DENND5B: variants seen among roughly 807,000 people sequenced by gnomAD.
The protein encoded by DENND5B is DENN domain-containing protein 5B.
Under a neutral mutation model 140.6 loss-of-function variants are expected in DENND5B, and 34 were observed. That is an observed-to-expected ratio of 0.24 (90% CI 0.18 to 0.32). DENND5B has a LOEUF of 0.32. Ranked by LOEUF, DENND5B falls within the 10% of genes least tolerant of loss-of-function variation. DENND5B has a pLI of 1.00. For missense variants in DENND5B, 1,142 were observed against 1,560.2 expected (o/e 0.73, Z 4.52); for synonymous variants, 551 against 562.1 (o/e 0.98, Z 0.28).
intron 1 of DENND5B, among the ~76,000 whole-genome samples, chr12:31,527,938 A>C (rs568823919): frequency 8.8e-6 from 1 of 113,424 alleles, no homozygotes; most frequent in South Asian, 3.1e-4. Flanking sequence ...ATATGCCTAG[A>C]CTCTTTAAAT....
At chr12:31,500,229 TG>T (rs1319306172) in intron 1 of DENND5B, among the ~76,000 whole-genome samples, 1 of 152,208 alleles carries the variant, frequency 6.6e-6, no homozygotes, top group African/African-American at 2.4e-5. Context: ...TAAGACTAAA[TG>T]ACCAACTTTA....
intron 13 of DENND5B, among the ~76,000 whole-genome samples, chr12:31,411,258 G>A (rs1017819665): frequency 2.0e-5 from 3 of 149,872 alleles, no homozygotes; most frequent in Non-Finnish European, 4.4e-5. Flanking sequence ...GGCTAGTCTC[G>A]AACTCCTGAT....
At chr12:31,446,811 C>T (rs1198602579) in intron 6 of DENND5B, among the ~76,000 whole-genome samples, 7 of 150,762 alleles carry the variant, frequency 4.6e-5, no homozygotes, top group East Asian at 2.0e-4. Context: ...GGCGTGAACC[C>T]GGGAGGTGGC....
chr12:31,485,736 CCTCTCTCTCT>C (rs55748263), intron 2 of DENND5B, among the ~76,000 whole-genome samples: 17 of 149,680 alleles, frequency 1.1e-4, no homozygotes, highest in Middle Eastern at 3.2e-3. Context: ...GCTTCCATCT[CCTCTCTCTCT>C]CTCTCTCTCT....
At chr12:31,491,325 C>T (rs924796198) in intron 2 of DENND5B, among the ~76,000 whole-genome samples, 1 of 152,034 alleles carries the variant, frequency 6.6e-6, no homozygotes, top group Non-Finnish European at 1.5e-5. Flanking sequence ...TGATGGTGCG[C>T]GACTATAATC....
At chr12:31,544,435 C>T (rs1948785404) in intron 1 of DENND5B, among the ~76,000 whole-genome samples, 1 of 152,088 alleles carries the variant, frequency 6.6e-6, no homozygotes, top group Non-Finnish European at 1.5e-5. Flanking sequence ...GCATGTGCCT[C>T]CACATCCAGC....
chr12:31,509,673 C>CATTT (rs1491426334), intron 1 of DENND5B, among the ~76,000 whole-genome samples: 5 of 152,094 alleles, frequency 3.3e-5, no homozygotes, highest in African/African-American at 1.2e-4. Context: ...TCCTTGCTCT[C>CATTT]ACAGTTTACA....
At chr12:31,576,768 G>A (rs745912853) in intron 1 of DENND5B, among the ~76,000 whole-genome samples, 3 of 151,852 alleles carry the variant, frequency 2.0e-5, no homozygotes, top group African/African-American at 4.8e-5. Flanking sequence ...GCGCACAGCC[G>A]TGGTCTCAGC....
chr12:31,558,592 G>A (rs1201584625), intron 1 of DENND5B, among the ~76,000 whole-genome samples: 1 of 152,082 alleles, frequency 6.6e-6, no homozygotes, highest in Non-Finnish European at 1.5e-5. Context: ...ATAAAATTGG[G>A]CACTTTATTA....
At chr12:31,563,708 A>G (rs963713512) in intron 1 of DENND5B, among the ~76,000 whole-genome samples, 3 of 152,216 alleles carry the variant, frequency 2.0e-5, no homozygotes, top group African/African-American at 7.2e-5. Flanking sequence ...CTACTTCCTA[A>G]ATGATTTCAA....
At chr12:31,474,714 T>G (rs149544181) in intron 3 of DENND5B, among the ~76,000 whole-genome samples, 1 of 152,162 alleles carries the variant, frequency 6.6e-6, no homozygotes, top group African/African-American at 2.4e-5. Context: ...TCACATGTTA[T>G]TAAAACCCCC....
At chr12:31,511,921 C>CTTTTTTTTTTTT (rs761566462) in intron 1 of DENND5B, among the ~76,000 whole-genome samples, 3 of 98,944 alleles carry the variant, frequency 3.0e-5, no homozygotes, top group Non-Finnish European at 5.5e-5. Context: ...CTCCACTGCC[C>CTTTTTTTTTTTT]TTTTTTTTTT....
chr12:31,537,168 G>A (rs1365548957), intron 1 of DENND5B, among the ~76,000 whole-genome samples: 3 of 152,062 alleles, frequency 2.0e-5, no homozygotes, highest in Non-Finnish European at 1.5e-5. Context: ...TAATTATATA[G>A]AGAAACACAG....
intron 1 of DENND5B, among the ~76,000 whole-genome samples, chr12:31,521,683 T>C (rs960501018): frequency 6.6e-6 from 1 of 152,150 alleles, no homozygotes; most frequent in African/African-American, 2.4e-5. Context: ...TCCAAACCAT[T>C]AAACCAAGGA....
intron 1 of DENND5B, among the ~76,000 whole-genome samples, chr12:31,542,287 CAAAA>C (rs778257868): frequency 3.2e-5 from 2 of 62,282 alleles, no homozygotes; most frequent in Admixed American, 1.8e-4. Flanking sequence ...GACTCCGTCT[CAAAA>C]AAAAAAAAAA....
intron 8 of DENND5B, among the ~76,000 whole-genome samples, chr12:31,427,920 C>T (rs1041076070): frequency 3.9e-5 from 6 of 152,098 alleles, no homozygotes; most frequent in Non-Finnish European, 8.8e-5. Context: ...TAATATATTT[C>T]TCCTTTGGAA....
At position 31,462,024 on chromosome 12, in the gene DENND5B, G is replaced by C. The variant is rs575243270; in HGVS notation, c.905-1643C>G. 1.2e-3 allele frequency among the ~76,000 whole-genome samples: 178 copies of C among 152,206 alleles called. 2 individuals are homozygous for C. The highest frequency in any genetic ancestry group is 4.2e-3 in the African/African-American group (176 of 41,540). On this transcript the variant is annotated intron_variant, in intron 3 of 20. Transcript: ENST00000389082. ...GAATCATCAGTTATCCACAGCCCAA[G>C]TTTACTTAAAATTTTCCTTATTTGA...
intron 1 of DENND5B, among the ~76,000 whole-genome samples, chr12:31,528,763 T>A (rs1327930974): frequency 6.6e-6 from 1 of 152,194 alleles, no homozygotes; most frequent in Admixed American, 6.5e-5. Flanking sequence ...ACTGGAGATG[T>A]TAAGACAGCA....
chr12:31,409,730 C>T (rs1029092579), intron 13 of DENND5B, among the ~76,000 whole-genome samples: 1 of 152,092 alleles, frequency 6.6e-6, no homozygotes, highest in Non-Finnish European at 1.5e-5. Flanking sequence ...CCATCTGCCT[C>T]GGCCTCCCAA....
Sources: gnomAD v4.1 joint callset for allele counts (sites outside exome capture counted in the v4.1 genomes callset) on GRCh38, gnomAD v4.1.1 for gene constraint, MANE v1.5 for transcripts, NCBI Gene and HGNC (gene_info 2026-07-23, HGNC 2026-07-21) for gene names.